Variants in RHOT1 observed in about 807,000 individuals in gnomAD.
RHOT1 encodes the protein mitochondrial Rho GTPase 1.
A neutral mutation model predicts 95.3 loss-of-function variants in RHOT1; 27 were observed. The observed-to-expected ratio is 0.28, with a 90% confidence interval of 0.21 to 0.39. RHOT1 has a LOEUF of 0.39. Among genes scored for constraint, RHOT1 ranks in the 10% least tolerant of loss-of-function variants. The pLI is 1.00. For synonymous variants in RHOT1, 227 were observed against 263.5 expected (o/e 0.86, Z 1.34); for missense variants, 578 against 786.7 (o/e 0.73, Z 3.17).
At position 32,183,239 on chromosome 17, in the gene RHOT1, T is replaced by C. The variant is rs758465288; in HGVS notation, c.507T>C (p.Pro169=). 1.3e-6 allele frequency: 2 copies of C among 1,547,688 alleles called. No homozygotes were observed. The highest frequency in any genetic ancestry group is 1.7e-6 in the Non-Finnish European group (2 of 1,144,160). The part of the protein sequence containing the change: ...FYYAQKAVLH[P]TGPLYCPEEK... ...ACGCACAGAAAGCTGTTCTTCATCC[T>C]ACAGGGCCCCTGTACTGCCCAGAGG... The change falls in exon 8 of 20, where the codon CCT becomes CCC. Residue 169 remains proline, a synonymous_variant. Transcript: ENST00000545287.
At chr17:32,143,959 T>G (rs954665440) in intron 1 of RHOT1, among the ~76,000 whole-genome samples, 11 of 152,348 alleles carry the variant, frequency 7.2e-5, no homozygotes, top group African/African-American at 2.2e-4. Context: ...AAATCTTCCT[T>G]TAGAATTAGA....
chr17:32,199,322 T>C, intron 12 of RHOT1, 83 bp from the exon 13 acceptor site: 1 of 1,327,100 alleles, frequency 7.5e-7, no homozygotes, highest in Non-Finnish European at 1.0e-6. Flanking sequence ...TTAAAAAGCA[T>C]AGCTTTACTA....
intron 1 of RHOT1, chr17:32,151,046 C>T: frequency 6.4e-6 from 9 of 1,413,874 alleles, no homozygotes; most frequent in Non-Finnish European, 8.8e-6. Context: ...AGATTGTGGT[C>T]TGTTCTTGGA....
intron 19 of RHOT1, 90 bp downstream of exon 19, chr17:32,211,328 C>G: frequency 8.3e-7 from 1 of 1,208,786 alleles, no homozygotes; most frequent in Non-Finnish European, 1.1e-6. Flanking sequence ...ATACTCACTA[C>G]AAAGACAAGC....
chr17:32,171,842 A>G (rs1352008085), intron 2 of RHOT1, among the ~76,000 whole-genome samples: 1 of 152,188 alleles, frequency 6.6e-6, no homozygotes, highest in African/African-American at 2.4e-5. Context: ...ACCTTTGCCT[A>G]CCTCAAAGGA....
intron 19 of RHOT1, among the ~76,000 whole-genome samples, chr17:32,214,573 T>C (rs1194434438): frequency 2.6e-5 from 4 of 152,118 alleles, no homozygotes; most frequent in African/African-American, 9.7e-5. Flanking sequence ...CACCACCACT[T>C]TACTCCTTTC....
chr17:32,157,984 C>T (rs893101857), intron 1 of RHOT1, among the ~76,000 whole-genome samples: 1 of 152,170 alleles, frequency 6.6e-6, no homozygotes, highest in African/African-American at 2.4e-5. Context: ...ATCCTCCCAC[C>T]TCAGCCTCCT....
intron 19 of RHOT1, among the ~76,000 whole-genome samples, chr17:32,216,637 A>G (rs2038495526): frequency 6.6e-6 from 1 of 152,160 alleles, no homozygotes; most frequent in Admixed American, 6.6e-5. Context: ...GACTTCATTT[A>G]CCCATATTGC....
At chr17:32,185,493 G>A (rs143186080) in intron 8 of RHOT1, among the ~76,000 whole-genome samples, 20 of 151,932 alleles carry the variant, frequency 1.3e-4, no homozygotes, top group Non-Finnish European at 2.6e-4. Context: ...CTGCCCCCTC[G>A]ACTTCCTGGC....
At chr17:32,171,600 C>T (rs2142526315) in intron 2 of RHOT1, among the ~76,000 whole-genome samples, 1 of 152,120 alleles carries the variant, frequency 6.6e-6, no homozygotes. Flanking sequence ...GCTCTGTGAC[C>T]CTTTCTTAAA....
intron 10 of RHOT1, among the ~76,000 whole-genome samples, chr17:32,193,594 C>T (rs1357206179): frequency 6.6e-6 from 1 of 152,144 alleles, no homozygotes; most frequent in Non-Finnish European, 1.5e-5. Flanking sequence ...GTCTATGAGT[C>T]AAATTTACCA....
At chr17:32,202,728 T>C in intron 14 of RHOT1, 42 bp from the exon 15 acceptor site, 1 of 1,432,162 alleles carries the variant, frequency 7.0e-7, no homozygotes, top group South Asian at 1.3e-5. Context: ...TGAATCTAAG[T>C]GGTACATATT....
chr17:32,167,078 T>G (rs547884701), intron 1 of RHOT1, among the ~76,000 whole-genome samples: 1 of 152,338 alleles, frequency 6.6e-6, no homozygotes, highest in East Asian at 1.9e-4. Flanking sequence ...CCTTGAACCA[T>G]GGACTGCAGA....
intron 17 of RHOT1, chr17:32,207,251 A>C (rs576815664): frequency 4.9e-5 from 20 of 410,076 alleles, no homozygotes; most frequent in African/African-American, 3.5e-4. Flanking sequence ...TGTGAGGTGC[A>C]TTCCTGATTG....
At chr17:32,153,194 A>T (rs1191770579) in intron 1 of RHOT1, among the ~76,000 whole-genome samples, 3 of 152,186 alleles carry the variant, frequency 2.0e-5, no homozygotes, top group African/African-American at 7.2e-5. Flanking sequence ...CAAGAGCAAA[A>T]TTTTAAAAAG....
intron 1 of RHOT1, among the ~76,000 whole-genome samples, chr17:32,170,152 C>G (rs747524418): frequency 1.3e-5 from 2 of 152,164 alleles, no homozygotes; most frequent in African/African-American, 2.4e-5. Context: ...CGGTAGCTCA[C>G]GCCTGTAATC....
chr17:32,218,199 T>C (rs2038603223), intron 19 of RHOT1, among the ~76,000 whole-genome samples: 1 of 151,000 alleles, frequency 6.6e-6, no homozygotes, highest in South Asian at 2.1e-4. Flanking sequence ...TATTTGAAAA[T>C]AGAAAAGGGC....
chr17:32,206,695 C>A (rs200817463), intron 16 of RHOT1, among the ~76,000 whole-genome samples: 1 of 151,698 alleles, frequency 6.6e-6, no homozygotes, highest in African/African-American at 2.4e-5. Context: ...CCTTGTGATC[C>A]GCCCACCTCG....
At position 32,203,892 on chromosome 17, in the gene RHOT1, G is replaced by A; in HGVS notation, c.1335G>A (p.Arg445=). The A allele has an allele frequency of 6.2e-7, 1 of 1,611,724 alleles. No homozygotes were observed. The highest frequency in any genetic ancestry group is 8.5e-7 in the Non-Finnish European group (1 of 1,178,346). Reference sequence around the variant, plus strand: ...GAGATTTTCGGTTCTGTTTTCAGAGGCAGAAGAAAATTCGTGAAGATCATA... The same window carrying A: ...GAGATTTTCGGTTCTGTTTTCAGAGACAGAAGAAAATTCGTGAAGATCATA... ...LQALLGRNLM[R]QKKIREDHKS... Residue 445 remains arginine (R), a splice_region_variant and synonymous_variant, in exon 16 of 20, where the codon AGG becomes AGA. Transcript: ENST00000545287.
Sources: allele counts gnomAD v4.1 joint callset (sites outside exome capture counted in the v4.1 genomes callset), GRCh38; gene constraint gnomAD v4.1.1; transcripts MANE v1.5; gene names NCBI Gene and HGNC (gene_info 2026-07-23, HGNC 2026-07-21).